Variants in CRISP2 observed in about 807,000 individuals in gnomAD.
CRISP2 encodes cysteine rich secretory protein 2.
A neutral mutation model predicts 31.7 loss-of-function variants in CRISP2; 29 were observed. The ratio of observed to expected loss-of-function variants is 0.92; its 90% CI spans 0.68 to 1.25. CRISP2 has a LOEUF of 1.25. Among genes scored for constraint, CRISP2 ranks in the 50% most tolerant of loss-of-function variants. CRISP2 has a pLI of 0.00. For missense variants in CRISP2, 318 were observed against 286.5 expected, an observed-to-expected ratio of 1.11 and a Z score of -0.79; for synonymous variants, 111 against 101.4, an observed-to-expected ratio of 1.09 and a Z score of -0.57.
At chr6:49,704,047 T>C (rs1766568349) in intron 4 of CRISP2, among the ~76,000 whole-genome samples, 1 of 152,122 alleles carries the variant, frequency 6.6e-6, no homozygotes, top group Admixed American at 6.6e-5. Flanking sequence ...CTTTGTTCAT[T>C]TTCTTTTTAT....
intron 5 of CRISP2, 145 bp from the exon 6 acceptor site, chr6:49,700,036 A>C (rs1211699368): frequency 4.0e-6 from 3 of 744,074 alleles, no homozygotes; most frequent in African/African-American, 3.6e-5. Context: ...AAGTGTTTTT[A>C]TCTCTTCTGG....
chr6:49,697,818 C>A, intron 8 of CRISP2, 42 bp downstream of exon 8: 1 of 1,603,844 alleles, frequency 6.2e-7, no homozygotes, highest in Non-Finnish European at 8.5e-7. Flanking sequence ...AAATAAATTG[C>A]AGATAGAATT....
At chr6:49,700,404 A>C (rs751238468) in intron 5 of CRISP2, among the ~76,000 whole-genome samples, 2 of 152,206 alleles carry the variant, frequency 1.3e-5, no homozygotes, top group Non-Finnish European at 2.9e-5. Context: ...ATTAACAAAA[A>C]GTGTAATGGC....
At chr6:49,679,996 G>A in the CRISP2 span, among the ~76,000 whole-genome samples, 4 of 152,106 alleles carry the variant, frequency 2.6e-5, no homozygotes, top group African/African-American at 9.7e-5. Context: ...GTGAGCCACT[G>A]CACCCAGCCG....
At chr6:49,700,525 C>A (rs1765483209) in intron 5 of CRISP2, 143 bp downstream of exon 5, 2 of 621,616 alleles carry the variant, frequency 3.2e-6, no homozygotes, top group Admixed American at 3.1e-5. Context: ...GAATACAATC[C>A]TCTCCATATA....
the CRISP2 span, among the ~76,000 whole-genome samples, chr6:49,686,557 G>A: frequency 1.3e-5 from 2 of 152,148 alleles, no homozygotes; most frequent in African/African-American, 4.8e-5. Flanking sequence ...GAAACAACAG[G>A]TGCTGGAGTG....
At chr6:49,686,661 T>C in the CRISP2 span, among the ~76,000 whole-genome samples, 1 of 152,212 alleles carries the variant, frequency 6.6e-6, no homozygotes, top group African/African-American at 2.4e-5. Flanking sequence ...CTCAGGGATC[T>C]AGAACTAGAA....
the CRISP2 span, among the ~76,000 whole-genome samples, chr6:49,682,371 C>A: frequency 6.6e-6 from 1 of 152,158 alleles, no homozygotes; most frequent in African/African-American, 2.4e-5. Context: ...CATGTCCAAA[C>A]TGAACACCTG....
the CRISP2 span, among the ~76,000 whole-genome samples, chr6:49,679,460 A>G: frequency 1.3e-5 from 2 of 152,146 alleles, no homozygotes; most frequent in African/African-American, 4.8e-5. Flanking sequence ...TTTGAACTTA[A>G]AATGAGAGCA....
chr6:49,683,586 C>T, the CRISP2 span, among the ~76,000 whole-genome samples: 1 of 142,306 alleles, frequency 7.0e-6, no homozygotes, highest in East Asian at 2.1e-4. Context: ...ATCACTTGAA[C>T]TGGCGGGATG....
At chr6:49,690,458 G>A (rs1764015420), downstream of CRISP2, among the ~76,000 whole-genome samples, 1 of 151,992 alleles carries the variant, frequency 6.6e-6, no homozygotes, top group Admixed American at 6.6e-5. Context: ...CAAAAGCAAG[G>A]AAGTATGAAA....
chr6:49,697,992 A>G (rs372702668), intron 7 of CRISP2, 35 bp from the exon 8 acceptor site: 108 of 1,450,884 alleles, frequency 7.4e-5, no homozygotes, highest in Non-Finnish European at 9.7e-5. Flanking sequence ...ATATAAAAGT[A>G]CATTAGAGAA....
intron 3 of CRISP2, among the ~76,000 whole-genome samples, chr6:49,710,504 G>T (rs1332028848): frequency 1.3e-5 from 2 of 152,080 alleles, no homozygotes; most frequent in Non-Finnish European, 2.9e-5. Flanking sequence ...GCAGCACAAT[G>T]GAGACCCTTT....
At chr6:49,697,423 T>C (rs1406227464) in intron 8 of CRISP2, among the ~76,000 whole-genome samples, 1 of 152,030 alleles carries the variant, frequency 6.6e-6, no homozygotes, top group Non-Finnish European at 1.5e-5. Context: ...TGTGTGTGTG[T>C]GTTTTACATA....
At chr6:49,681,856 G>A in the CRISP2 span, among the ~76,000 whole-genome samples, 11 of 151,812 alleles carry the variant, frequency 7.2e-5, no homozygotes, top group East Asian at 2.1e-3. Flanking sequence ...CTTTCCATTT[G>A]TCATATGTTA....
intron 4 of CRISP2, 96 bp from the exon 5 acceptor site, chr6:49,700,880 A>C (rs1765550561): frequency 1.3e-6 from 1 of 746,022 alleles, no homozygotes; most frequent in Non-Finnish European, 2.3e-6. Flanking sequence ...GTCACTTTAA[A>C]AAGTGCAAAA....
At chr6:49,701,814 C>T (rs1178117007) in intron 4 of CRISP2, among the ~76,000 whole-genome samples, 50 of 94,298 alleles carry the variant, frequency 5.3e-4, no homozygotes, top group Non-Finnish European at 7.6e-4. Flanking sequence ...TATATGTATA[C>T]ATATATAATG....
At chr6:49,693,951 T>G (rs1764318220) in intron 9 of CRISP2, among the ~76,000 whole-genome samples, 1 of 152,198 alleles carries the variant, frequency 6.6e-6, no homozygotes, top group Admixed American at 6.5e-5. Flanking sequence ...CTTTACTTAG[T>G]TCTCTTGATG....
chr6:49,683,265 ACAT>A, the CRISP2 span, among the ~76,000 whole-genome samples: 1 of 152,102 alleles, frequency 6.6e-6, no homozygotes, highest in African/African-American at 2.4e-5. Flanking sequence ...TAATTTCTAA[ACAT>A]GTGTATACCT....
Sources: allele counts gnomAD v4.1 joint callset (sites outside exome capture counted in the v4.1 genomes callset), GRCh38; gene constraint gnomAD v4.1.1; transcripts MANE v1.5; gene names NCBI Gene and HGNC (gene_info 2026-07-23, HGNC 2026-07-21).